GLI3: variants seen among roughly 807,000 people sequenced by gnomAD.
GLI3 encodes the protein transcription activator GLI3.
A neutral mutation model predicts 100.8 loss-of-function variants in GLI3; 20 were observed. That is an observed-to-expected ratio of 0.20 (90% confidence interval 0.14 to 0.29). The LOEUF is 0.29. Among genes scored for constraint, GLI3 ranks in the 10% least tolerant of loss-of-function variants. The pLI, the probability that GLI3 is intolerant of heterozygous loss-of-function variation, is 1.00. For synonymous variants in GLI3, 938 were observed against 860.5 expected (o/e 1.09, Z -1.58); for missense variants, 2,040 against 2,128.5 (o/e 0.96, Z 0.82).
rs2128712767 is a variant in GLI3, at chr7:41,978,589, C to T, written c.1647+10G>A. ...ACCCAAGTGTGCCTGCCACCCACTT[C>T]TGTACTCACAGTGCATTTGTGAGGC... On this transcript the variant is annotated intron_variant, in intron 11 of 14. Transcript: ENST00000395925. The T allele has an allele frequency of 6.2e-7, 1 of 1,614,000 alleles. No individual in the cohort carries two copies. The highest frequency in any genetic ancestry group is 8.5e-7 in the Non-Finnish European group (1 of 1,179,848).
Position 41,966,048 on chromosome 7 carries a change from CCGGGTCGCT to C in GLI3, c.3016_3024del (p.Ser1006_Pro1008del). 1 of 1,586,282 alleles carries C rather than the reference CCGGGTCGCT, an allele frequency of 6.3e-7. No homozygotes were observed. Reference sequence around the variant, plus strand: ...GCCAGGCCCTCGGAGCCTGTCCGCACCGGGTCGCTGGCCCTCCTCACGCCGTGGCCCGGC... The same window carrying C: ...GCCAGGCCCTCGGAGCCTGTCCGCACGGCCCTCCTCACGCCGTGGCCCGGC... On this transcript the variant is annotated inframe_deletion, in exon 15 of 15. Transcript: ENST00000395925. The surrounding 1 kb of genome is among the most constrained non-coding windows in gnomAD (Gnocchi z 5.8).
At chr7:42,141,963 G>C (rs1314766771) in intron 3 of GLI3, among the ~76,000 whole-genome samples, 1 of 152,108 alleles carries the variant, frequency 6.6e-6, no homozygotes, top group Non-Finnish European at 1.5e-5. Flanking sequence ...GCACGCATGA[G>C]TCCCCAGTCC....
chr7:41,998,337 GCTT>G (rs778286575), intron 10 of GLI3, among the ~76,000 whole-genome samples: 1 of 152,126 alleles, frequency 6.6e-6, no homozygotes, highest in Non-Finnish European at 1.5e-5. Flanking sequence ...CTCTTTTACT[GCTT>G]CTTATCTGAA....
rs762642157 is a variant in GLI3 at position 41,965,787 on chromosome 7, C to T, written c.3286G>A (p.Val1096Met). ...TTCTGGGAATTTAAATACTGCACCA[C>T]GTCGTCCGGCAGGAAATCCTCATCG... ...LNDEDFLPDDVVQYLNSQNQA... is the reference protein window; with the variant it reads ...LNDEDFLPDDMVQYLNSQNQA... The change falls in exon 15 of 15, where the codon GTG becomes ATG. Residue 1096 changes from valine (V) to methionine (M), a missense_variant. Val to Met is a conservative substitution (Grantham distance 21, BLOSUM62 1). Around this residue, in one of 5 missense-constraint regions of GLI3, gnomAD observed 1,041 missense variants for 924.0 expected, o/e 1.13. Coordinates refer to ENST00000395925, the MANE Select transcript of GLI3 (RefSeq NM_000168.6). The T allele has an allele frequency of 2.6e-5, 42 of 1,613,218 alleles. No individual in the cohort carries two copies. The highest frequency in any genetic ancestry group is 3.3e-5 in the Non-Finnish European group (39 of 1,179,976).
intron 10 of GLI3, among the ~76,000 whole-genome samples, chr7:42,014,113 T>C (rs73688617): frequency 1.7e-3 from 263 of 152,342 alleles, no homozygotes; most frequent in African/African-American, 6.1e-3. Flanking sequence ...CCTTGCCCTC[T>C]TTAATACACT....
At chr7:42,112,851 G>C (rs1199341940) in intron 3 of GLI3, among the ~76,000 whole-genome samples, 1 of 152,070 alleles carries the variant, frequency 6.6e-6, no homozygotes, top group Non-Finnish European at 1.5e-5. Flanking sequence ...GCCTGCCCAA[G>C]AGAGAGGAGA....
rs184302442 is a variant in GLI3, at chr7:42,172,483, A to T, written c.125-24015T>A. On this transcript the variant is annotated intron_variant, in intron 2 of 14. Coordinates refer to ENST00000395925, the MANE Select transcript of GLI3 (RefSeq NM_000168.6). ...TTTTTACACTAAAAAGTGTAAATGA[A>T]TTAAATGAATAAAGTGGTCTTGCAA... The T allele has an allele frequency of 2.1e-4, 140 of 675,360 alleles. No individual in the cohort carries two copies. In the Admixed American group the frequency reaches 3.1e-3, roughly 15 times the overall value. 41.8% of individuals were successfully genotyped at this position (675,360 alleles called of 1,614,324 possible).
chr7:42,064,903 C>T (rs576436160), intron 4 of GLI3, among the ~76,000 whole-genome samples: 2 of 152,234 alleles, frequency 1.3e-5, no homozygotes, highest in African/African-American at 2.4e-5. Flanking sequence ...CTCACAATAA[C>T]GTCTGTGCTC....
chr7:42,255,571 A>C (rs1396750519), intron 1 of GLI3, among the ~76,000 whole-genome samples: 1 of 152,198 alleles, frequency 6.6e-6, no homozygotes, highest in Non-Finnish European at 1.5e-5. Context: ...GAATCATATA[A>C]TACATAGTCT....
intron 3 of GLI3, chr7:42,113,397 A>T: frequency 1.4e-6 from 1 of 702,740 alleles, no homozygotes; most frequent in South Asian, 1.4e-5. Context: ...GGGATGCTGA[A>T]GGAGATGAAG....
chr7:42,187,421 C>T (rs1787738591), intron 2 of GLI3, among the ~76,000 whole-genome samples: 1 of 151,882 alleles, frequency 6.6e-6, no homozygotes, highest in African/African-American at 2.4e-5. Flanking sequence ...AAGATGATGG[C>T]AACATAAGAG....
chr7:42,118,137 T>C (rs1222754118), intron 3 of GLI3: 2 of 389,238 alleles, frequency 5.1e-6, no homozygotes, highest in Admixed American at 8.9e-5. Flanking sequence ...TTTGCAAATA[T>C]TCTCATCCCC....
At chr7:42,208,347 AT>A (rs1788196680) in intron 2 of GLI3, among the ~76,000 whole-genome samples, 1 of 152,114 alleles carries the variant, frequency 6.6e-6, no homozygotes, top group Non-Finnish European at 1.5e-5. Context: ...TCTTTCTAAA[AT>A]GAATTATTTT....
chr7:42,118,642 T>A (rs1192002532), intron 3 of GLI3, among the ~76,000 whole-genome samples: 1 of 152,206 alleles, frequency 6.6e-6, no homozygotes, highest in East Asian at 1.9e-4. Flanking sequence ...AATGTGAAGC[T>A]GTCAAATTCA....
intron 7 of GLI3, among the ~76,000 whole-genome samples, chr7:42,030,086 G>C (rs1392131907): frequency 1.3e-5 from 2 of 152,114 alleles, no homozygotes; most frequent in African/African-American, 4.8e-5. Flanking sequence ...GTCTGCAATA[G>C]GCCGGCGGGG....
At chr7:42,009,163 G>A (rs913854610) in intron 10 of GLI3, among the ~76,000 whole-genome samples, 2 of 152,078 alleles carry the variant, frequency 1.3e-5, no homozygotes, top group African/African-American at 4.8e-5. Flanking sequence ...CCTCTGCCTT[G>A]GCCGTAGTTT....
At chr7:41,977,423 G>A in intron 12 of GLI3, 135 bp downstream of exon 12, 2 of 863,112 alleles carry the variant, frequency 2.3e-6, no homozygotes, top group Non-Finnish European at 1.9e-6. Flanking sequence ...GCCTTCACCT[G>A]CAGGGGCAGA....
intron 5 of GLI3, among the ~76,000 whole-genome samples, chr7:42,047,726 A>G (rs1784272913): frequency 6.6e-6 from 1 of 152,238 alleles, no homozygotes; most frequent in Admixed American, 6.5e-5. Context: ...GATCCTTAAG[A>G]GCCTAAAATG....
chr7:42,099,731 A>T (rs576426198), intron 3 of GLI3, among the ~76,000 whole-genome samples: 1 of 152,174 alleles, frequency 6.6e-6, no homozygotes, highest in East Asian at 1.9e-4. Flanking sequence ...GAGTCTTGCT[A>T]TGTTGCCCAG....
Sources: gnomAD v4.1 joint callset for allele counts (sites outside exome capture counted in the v4.1 genomes callset) on GRCh38, gnomAD v4.1.1 for gene constraint, gnomAD v4.1.1 regional missense constraint, Gnocchi (gnomAD v3.1) non-coding constraint, MANE v1.5 for transcripts, NCBI Gene and HGNC (gene_info 2026-07-23, HGNC 2026-07-21) for gene names.